The following DMD variants were observed in gnomAD, a reference collection of about 807,000 sequenced individuals.
DMD encodes the protein dystrophin, also known as mutant dystrophin.
In DMD, 63 loss-of-function variants were observed where a neutral mutation model predicts 330.1. The observed-to-expected ratio is 0.19, with a 90% CI of 0.16 to 0.24. DMD has a LOEUF of 0.24. Among genes scored for constraint, DMD ranks in the 10% least tolerant of loss-of-function variants. The probability of loss-of-function intolerance (pLI) is 1.00; values close to 1 mark genes in which losing one functional copy is unlikely to be tolerated. For synonymous variants in DMD, 1,223 were observed against 959.8 expected (o/e 1.27, Z -5.07); for missense variants, 3,344 against 2,684.1 (o/e 1.25, Z -5.43).
chrX:32,069,137 T>C (rs983000812), intron 44 of DMD, among the ~76,000 whole-genome samples: 9 of 111,677 alleles, frequency 8.1e-5, no homozygotes, highest in African/African-American at 2.9e-4. Context: ...TTTGAAATTC[T>C]ATTTACTTCC....
chrX:32,156,944 T>A (rs1441034021), intron 44 of DMD, among the ~76,000 whole-genome samples: 1 of 111,322 alleles, frequency 9.0e-6, no homozygotes, highest in Non-Finnish European at 1.9e-5. Context: ...CTGGAAGCAA[T>A]CTCCGCCAAG....
At chrX:32,162,364 G>C (rs1246583424) in intron 44 of DMD, among the ~76,000 whole-genome samples, 1 of 110,187 alleles carries the variant, frequency 9.1e-6, no homozygotes. Context: ...GTGTGATCTG[G>C]CTATTCTGCC....
At chrX:33,018,396 A>G (rs2093845997) in intron 2 of DMD, among the ~76,000 whole-genome samples, 2 of 111,901 alleles carry the variant, frequency 1.8e-5, no homozygotes, top group Admixed American at 1.9e-4. Flanking sequence ...GGGCATTCAT[A>G]AGGACAGAAA....
intron 43 of DMD, among the ~76,000 whole-genome samples, chrX:32,270,507 G>T (rs770155068): frequency 7.2e-5 from 8 of 111,876 alleles, no homozygotes; most frequent in African/African-American, 2.6e-4. Context: ...GTTCTGTTTT[G>T]TAGTAGTGTT....
At chrX:32,401,322 A>T (rs1384575805) in intron 30 of DMD, among the ~76,000 whole-genome samples, 2 of 103,591 alleles carry the variant, frequency 1.9e-5, no homozygotes, top group Non-Finnish European at 3.9e-5. Flanking sequence ...CCTAAAACTT[A>T]AAGTATAATA....
chrX:33,168,946 C>A (rs1344508298), intron 1 of DMD, among the ~76,000 whole-genome samples: 2 of 109,284 alleles, frequency 1.8e-5, no homozygotes, highest in African/African-American at 6.6e-5. Flanking sequence ...GCATGAATAC[C>A]TTTTGAATTT....
intron 1 of DMD, among the ~76,000 whole-genome samples, chrX:33,141,566 T>C (rs2047800852): frequency 8.9e-6 from 1 of 111,780 alleles, no homozygotes; most frequent in Non-Finnish European, 1.9e-5. Context: ...AATTTAAAAA[T>C]TTAAAATATC....
chrX:31,234,767 G>A (rs961509641), intron 63 of DMD, among the ~76,000 whole-genome samples: 4 of 111,752 alleles, frequency 3.6e-5, no homozygotes, highest in African/African-American at 9.8e-5. Flanking sequence ...ACGGTAAAGT[G>A]GTAAAAACAG....
intron 60 of DMD, among the ~76,000 whole-genome samples, chrX:31,366,487 A>T (rs1230924960): frequency 3.4e-3 from 342 of 100,719 alleles, no homozygotes; most frequent in African/African-American, 0.012. Flanking sequence ...AAAAAAAAAA[A>T]AAAAAAAAAC....
intron 61 of DMD, among the ~76,000 whole-genome samples, chrX:31,342,417 A>G (rs1358825870): frequency 2.7e-5 from 3 of 112,036 alleles, no homozygotes; most frequent in Admixed American, 9.5e-5. Context: ...AAACTGGAGA[A>G]CTATAGACTC....
intron 60 of DMD, among the ~76,000 whole-genome samples, chrX:31,434,430 A>G (rs866645777): frequency 0.097 from 7,750 of 79,735 alleles, 404 homozygotes; most frequent in East Asian, 0.23. Flanking sequence ...ACACACACAC[A>G]CACACACACA....
At chrX:31,530,077 C>T (rs1056221620) in intron 55 of DMD, among the ~76,000 whole-genome samples, 3 of 111,141 alleles carry the variant, frequency 2.7e-5, no homozygotes, top group Admixed American at 1.9e-4. Flanking sequence ...TGATTCATTC[C>T]CCCTGTATTT....
chrX:31,978,053 G>T lies in DMD; in HGVS notation c.6439-9539C>A, dbSNP rs191599414. ...TCAATTTAGCTTGTATGAAGGAAAA[G>T]ATTAAATTATCAAATGTAAATCTTT... On this transcript the variant is annotated intron_variant, in intron 44 of 78. Transcript: ENST00000357033. Among the ~76,000 whole-genome samples the T allele has an allele frequency of 1.3e-4, 14 of 111,615 alleles. No individual in the cohort carries two copies. The East Asian group carries it at 2.8e-3, about 23-fold the overall frequency.
chrX:31,339,023 G>T (rs2057574004), intron 61 of DMD, among the ~76,000 whole-genome samples: 1 of 108,218 alleles, frequency 9.2e-6, no homozygotes, highest in Non-Finnish European at 1.9e-5. Context: ...TTCCCACTAT[G>T]CCTGATTTCA....
At chrX:31,315,474 C>T (rs915760675) in intron 62 of DMD, among the ~76,000 whole-genome samples, 1 of 112,351 alleles carries the variant, frequency 8.9e-6, no homozygotes, top group Non-Finnish European at 1.9e-5. Flanking sequence ...GATGTGACTA[C>T]TGGTTTTTTT....
chrX:33,108,868 G>GAAAAA (rs59817056), intron 1 of DMD, among the ~76,000 whole-genome samples: 259 of 24,230 alleles, frequency 0.011, 29 homozygotes, highest in African/African-American at 0.02. Flanking sequence ...CTCCGTTTCG[G>GAAAAA]AAAAAAAAAA....
At chrX:32,817,134 T>C (rs971047308) in intron 5 of DMD, among the ~76,000 whole-genome samples, 4 of 112,022 alleles carry the variant, frequency 3.6e-5, no homozygotes, top group African/African-American at 1.3e-4. Context: ...TTTCTGTGTA[T>C]CTTACATGCA....
chrX:31,625,670 A>G (rs2078795268), intron 55 of DMD, among the ~76,000 whole-genome samples: 1 of 112,039 alleles, frequency 8.9e-6, no homozygotes, highest in African/African-American at 3.2e-5. Context: ...TATAGTTAGG[A>G]CACATGGTGA....
At chrX:33,061,899 T>C (rs910761589) in intron 1 of DMD, among the ~76,000 whole-genome samples, 13 of 111,265 alleles carry the variant, frequency 1.2e-4, no homozygotes, top group African/African-American at 4.2e-4. Context: ...CTTAAAACTC[T>C]TTTTTTCCCT....
Sources: gnomAD v4.1 joint callset for allele counts (sites outside exome capture counted in the v4.1 genomes callset) on GRCh38, gnomAD v4.1.1 for gene constraint, MANE v1.5 for transcripts, NCBI Gene and HGNC (gene_info 2026-07-23, HGNC 2026-07-21) for gene names.